Variants in SCML4 observed in about 807,000 individuals in gnomAD.
SCML4 encodes the protein sex comb on midleg-like protein 4.
A neutral mutation model predicts 41.1 loss-of-function variants in SCML4; 34 were observed. That is an observed-to-expected ratio of 0.83 (90% confidence interval 0.63 to 1.10). The LOEUF (loss-of-function observed/expected upper bound fraction) is 1.10. Among genes scored for constraint, SCML4 ranks in the 50% least tolerant of loss-of-function variants. SCML4 has a pLI of 0.00. For synonymous variants in SCML4, 214 were observed against 220.9 expected (o/e 0.97, Z 0.28); for missense variants, 522 against 534.1 (o/e 0.98, Z 0.22).
At chr6:107,712,613 G>C (rs1179639888) in intron 6 of SCML4, among the ~76,000 whole-genome samples, 1 of 152,170 alleles carries the variant, frequency 6.6e-6, no homozygotes, top group Non-Finnish European at 1.5e-5. Context: ...GGGCCTTTTA[G>C]TCATACAAGA....
chr6:107,839,368 G>GGAAA, the SCML4 span, among the ~76,000 whole-genome samples: 143 of 52,538 alleles, frequency 2.7e-3, 2 homozygotes, highest in African/African-American at 9.1e-3. Flanking sequence ...AAAGAAAGAA[G>GGAAA]GAAAGAAAGA....
At chr6:107,768,580 C>A (rs915275141) in intron 2 of SCML4, among the ~76,000 whole-genome samples, 1 of 152,108 alleles carries the variant, frequency 6.6e-6, no homozygotes, top group South Asian at 2.1e-4. Context: ...GGCTGAGGAG[C>A]GGAGGGCTGC....
intron 2 of SCML4, among the ~76,000 whole-genome samples, chr6:107,765,436 C>T (rs75398961): frequency 0.024 from 3,715 of 152,194 alleles, 153 homozygotes; most frequent in African/African-American, 0.086. Context: ...AATTATGAGG[C>T]AGAGGTTGCA....
At chr6:107,758,800 T>C (rs1368381902) in intron 2 of SCML4, among the ~76,000 whole-genome samples, 1 of 152,110 alleles carries the variant, frequency 6.6e-6, no homozygotes, top group Non-Finnish European at 1.5e-5. Context: ...CACCCTGATT[T>C]CAGTCTTCTA....
chr6:107,830,585 G>A, the SCML4 span, among the ~76,000 whole-genome samples: 3 of 152,174 alleles, frequency 2.0e-5, no homozygotes, highest in South Asian at 2.1e-4. Context: ...AGCCTAGGCC[G>A]TAGTAGGAAA....
intron 4 of SCML4, chr6:107,746,012 A>T (rs1270382911): frequency 3.3e-5 from 5 of 152,076 alleles, no homozygotes; most frequent in Admixed American, 2.6e-4. Context: ...AAATAAATAA[A>T]TAAATAAATA....
intron 1 of SCML4, among the ~76,000 whole-genome samples, chr6:107,787,657 T>C (rs749036455): frequency 6.6e-6 from 1 of 152,242 alleles, no homozygotes; most frequent in Non-Finnish European, 1.5e-5. Context: ...TCCTTTCACA[T>C]ACTTTGCTAA....
intron 5 of SCML4, among the ~76,000 whole-genome samples, chr6:107,733,202 T>G (rs1284599040): frequency 6.6e-6 from 1 of 152,192 alleles, no homozygotes; most frequent in East Asian, 1.9e-4. Context: ...AAATGTTATT[T>G]TAAGCCCCTA....
chr6:107,769,333 G>T (rs1175359242), intron 2 of SCML4, among the ~76,000 whole-genome samples: 1 of 152,168 alleles, frequency 6.6e-6, no homozygotes, highest in African/African-American at 2.4e-5. Flanking sequence ...ACACCTGACC[G>T]CCAGTGTAAC....
intron 1 of SCML4, among the ~76,000 whole-genome samples, chr6:107,793,183 C>G (rs933743841): frequency 2.0e-5 from 3 of 152,164 alleles, no homozygotes; most frequent in Non-Finnish European, 2.9e-5. Context: ...CCTCTCTCCC[C>G]CTGTATGAAG....
intron 2 of SCML4, 89 bp downstream of exon 2, chr6:107,772,083 C>T (rs972305169): frequency 8.4e-7 from 1 of 1,190,528 alleles, no homozygotes; most frequent in African/African-American, 1.6e-5. Context: ...AAGCTCCCAA[C>T]CTCTAGTGGC....
At chr6:107,843,304 G>A in the SCML4 span, among the ~76,000 whole-genome samples, 1,883 of 152,030 alleles carry the variant, frequency 0.012, 51 homozygotes, top group African/African-American at 0.042. Context: ...AGACAGCCAG[G>A]GAAAAAAGGC....
chr6:107,800,316 G>T (rs73525470), intron 1 of SCML4, among the ~76,000 whole-genome samples: 2,290 of 152,132 alleles, frequency 0.015, 60 homozygotes, highest in African/African-American at 0.052. Flanking sequence ...TCCCAGAATC[G>T]CAAGCCCTTT....
At position 107,772,389 on chromosome 6, in the gene SCML4, A is replaced by G. The variant is rs1227553939; in HGVS notation, c.-59-3T>C. The G allele has an allele frequency of 2.1e-6, 3 of 1,455,570 alleles. No homozygotes were observed. Among genetic ancestry groups the G allele is most frequent in the African/African-American group, 2.8e-5 (2 of 70,566 alleles). The allele number at this position is 1,455,570 out of a possible 1,614,324, so 90.2% of individuals were successfully genotyped here. ...ATCGCTCACAGGCAGAAGAGGTGCT[A>G]AGAATTAGTCCAGACACAAAGCAAA... On this transcript the variant is annotated splice_region_variant and splice_polypyrimidine_tract_variant and intron_variant, in intron 1 of 7. Coordinates refer to ENST00000369020, the MANE Select transcript of SCML4 (RefSeq NM_198081.5).
At chr6:107,725,207 C>A (rs1395543760) in intron 5 of SCML4, among the ~76,000 whole-genome samples, 1 of 152,108 alleles carries the variant, frequency 6.6e-6, no homozygotes, top group Non-Finnish European at 1.5e-5. Flanking sequence ...AATGGTTCTA[C>A]AGTAAAGACA....
rs1408731109 is a variant in SCML4, at chr6:107,746,759, G to A, written c.417C>T (p.Ile139=). 3.1e-6 allele frequency: 5 copies of A among 1,614,004 alleles called. No homozygotes were observed. Among genetic ancestry groups the A allele is most frequent in the South Asian group, 2.2e-5 (2 of 91,074 alleles). Residue 139 remains isoleucine, a synonymous_variant, in exon 4 of 8, where the codon ATC becomes ATT. Transcript: ENST00000369020. ...CCAGCTTCTGCTGGTGGGCGCAGTC[G>A]ATGCAGGCTTGGACGGCCTGCTGCA... ...AVLQQAVQAC[I]DCAHQQKLVF... is the part of the protein sequence containing the mutation.
rs1778472611 is a variant in SCML4, at chr6:107,749,923, A to T, written c.157-110T>A. ...CATTGCTCTTCTATCATGCTTCCACACCTTTCCATCCTGCAGTTTCGGGGC... is the reference window on the plus strand; with the variant it reads ...CATTGCTCTTCTATCATGCTTCCACTCCTTTCCATCCTGCAGTTTCGGGGC... On this transcript the variant is annotated intron_variant, in intron 2 of 7. Coordinates refer to ENST00000369020, the MANE Select transcript of SCML4 (RefSeq NM_198081.5). 6.3e-6 allele frequency: 7 copies of T among 1,115,428 alleles called. No homozygotes were observed. In the South Asian group the frequency reaches 9.6e-5, roughly 15 times the overall value. 69.1% of individuals were successfully genotyped at this position (1,115,428 alleles called of 1,614,324 possible).
chr6:107,709,172 A>G (rs533073577), intron 6 of SCML4, among the ~76,000 whole-genome samples: 5 of 152,188 alleles, frequency 3.3e-5, no homozygotes, highest in South Asian at 4.1e-4. Flanking sequence ...CCATCTCCCA[A>G]TGGGTCTCCC....
chr6:107,775,327 C>CT (rs1780851924), intron 1 of SCML4, among the ~76,000 whole-genome samples: 1 of 152,186 alleles, frequency 6.6e-6, no homozygotes, highest in African/African-American at 2.4e-5. Flanking sequence ...CTAGGGTTTC[C>CT]TGAGCTTAGA....
Sources: allele counts gnomAD v4.1 joint callset (sites outside exome capture counted in the v4.1 genomes callset), GRCh38; gene constraint gnomAD v4.1.1; transcripts MANE v1.5; gene names NCBI Gene and HGNC (gene_info 2026-07-23, HGNC 2026-07-21).